CAPN2: variants seen among roughly 807,000 people sequenced by gnomAD.
The protein encoded by CAPN2 is calpain-2 catalytic subunit.
A neutral mutation model predicts 102.3 loss-of-function variants in CAPN2; 92 were observed. That is an observed-to-expected ratio of 0.90 (90% CI 0.76 to 1.07). The LOEUF (loss-of-function observed/expected upper bound fraction) is 1.07, where lower values mean the gene tolerates loss of function less well. Among genes scored for constraint, CAPN2 ranks in the 50% least tolerant of loss-of-function variants. The pLI is 0.00. For synonymous variants in CAPN2, 340 were observed against 355.4 expected (o/e 0.96, Z 0.49); for missense variants, 800 against 909.4 (o/e 0.88, Z 1.55).
In CAPN2 at chr1:223,753,588, A is replaced by G. The variant is rs1378353215; in HGVS notation, c.1135+632A>G. ...ATGGGGCACACCTTCAGTGCTTGGAACTATCCTAAGTGTTTTGTACACAGG... is the reference window on the plus strand; with the variant it reads ...ATGGGGCACACCTTCAGTGCTTGGAGCTATCCTAAGTGTTTTGTACACAGG... On this transcript the variant is annotated intron_variant, in intron 9 of 20. Transcript: ENST00000295006. 5.3e-5 allele frequency among the ~76,000 whole-genome samples: 8 copies of G among 152,344 alleles called. No individual in the cohort carries two copies. In the South Asian group the frequency reaches 1.7e-3, roughly 32 times the overall value.
chr1:223,712,305 C>A, upstream of CAPN2: 1 of 291,472 alleles, frequency 3.4e-6, no homozygotes, highest in Non-Finnish European at 5.2e-6. Context: ...CCGGTGGGAG[C>A]CCCAACTCTG....
chr1:223,760,672 A>G (rs1466828354), intron 12 of CAPN2, among the ~76,000 whole-genome samples: 3 of 152,092 alleles, frequency 2.0e-5, no homozygotes, highest in African/African-American at 7.2e-5. Flanking sequence ...TCCTTTGTCA[A>G]ACTCATTACT....
rs1452646817 is a variant in CAPN2, at chr1:223,727,122, G to T, written c.307+9291G>T. The stretch of plus-strand genomic sequence containing the variant: ...GGGACAGGGTGTCAGGTCTGCTGGA[G>T]ATTGTTAAAATGCTGTTGTCTCAGG... On this transcript the variant is annotated intron_variant, in intron 2 of 20. Coordinates refer to ENST00000295006, the MANE Select transcript of CAPN2 (RefSeq NM_001748.5). The surrounding 1 kb of genome is among the most constrained non-coding windows in gnomAD (Gnocchi z 4.1). Among the ~76,000 whole-genome samples the T allele has an allele frequency of 1.4e-5, 2 of 138,604 alleles. No homozygotes were observed. The highest frequency in any genetic ancestry group is 5.2e-5 in the African/African-American group (2 of 38,606). The allele number at this position is 138,604 out of a possible 152,430, so 90.9% of individuals were successfully genotyped here.
chr1:223,770,040 C>CA lies in CAPN2; in HGVS notation c.1824+132dup. The CA allele has an allele frequency of 7.4e-6, 6 of 811,702 alleles. No individual in the cohort carries two copies. In the South Asian group the frequency reaches 9.5e-5, roughly 13 times the overall value. The allele number at this position is 811,702 out of a possible 1,614,324, so 50.3% of individuals were successfully genotyped here. On this transcript the variant is annotated intron_variant, in intron 17 of 20. Coordinates refer to ENST00000295006, the MANE Select transcript of CAPN2 (RefSeq NM_001748.5). ...TTGGGATTTTACCCATAATGAAGCTCAGAGTGAGTAAAGATGGGGCTGAGG... is the reference window on the plus strand; with the variant it reads ...TTGGGATTTTACCCATAATGAAGCTCAAGAGTGAGTAAAGATGGGGCTGAGG...
At chr1:223,743,295 G>A (rs944843297) in intron 2 of CAPN2, among the ~76,000 whole-genome samples, 5 of 152,020 alleles carry the variant, frequency 3.3e-5, no homozygotes, top group South Asian at 2.1e-4. Context: ...GAAACCCTTC[G>A]GGACAGTCCA....
rs78277379 is a variant in CAPN2 at position 223,707,397 on chromosome 1, C to T, written c.3+5566C>T. Among the ~76,000 whole-genome samples the T allele has an allele frequency of 3.2e-3, 492 of 152,282 alleles. 2 individuals are homozygous for T. Among genetic ancestry groups the T allele is most frequent in the African/African-American group, 0.01 (422 of 41,568 alleles). ...ATCCTCAGGGCTGGCTGACTCACTCCAGGAAGGTTTTCCACCATGAAGTGT... is the reference window on the plus strand; with the variant it reads ...ATCCTCAGGGCTGGCTGACTCACTCTAGGAAGGTTTTCCACCATGAAGTGT... On this transcript the variant is annotated intron_variant, in intron 1 of 20. Coordinates refer to the CAPN2 transcript ENST00000433674.
At chr1:223,722,916 G>A (rs1211723294) in intron 2 of CAPN2, among the ~76,000 whole-genome samples, 2 of 152,098 alleles carry the variant, frequency 1.3e-5, no homozygotes, top group Admixed American at 6.5e-5. Context: ...AGTCTCCTTC[G>A]GCTCCTCTGG....
At chr1:223,769,353 A>G (rs565877515) in intron 16 of CAPN2, among the ~76,000 whole-genome samples, 3 of 152,010 alleles carry the variant, frequency 2.0e-5, no homozygotes, top group Non-Finnish European at 4.4e-5. Context: ...ATTCCTGACC[A>G]CAGGTGATCT....
At chr1:223,752,571 G>A (rs1465602508) in intron 8 of CAPN2, among the ~76,000 whole-genome samples, 1 of 152,198 alleles carries the variant, frequency 6.6e-6, no homozygotes, top group African/African-American at 2.4e-5. Context: ...AGAGTTCTGA[G>A]CTTCAGAGAA....
chr1:223,735,786 CT>C (rs67182964), intron 2 of CAPN2, among the ~76,000 whole-genome samples: 12 of 147,368 alleles, frequency 8.1e-5, no homozygotes, highest in Admixed American at 2.7e-4. Flanking sequence ...CGTTTCTTTT[CT>C]TTTTTTTTTT....
chr1:223,702,780 C>A (rs1659517457), intron 1 of CAPN2, among the ~76,000 whole-genome samples: 1 of 151,852 alleles, frequency 6.6e-6, no homozygotes, highest in Non-Finnish European at 1.5e-5. Flanking sequence ...GAGTTATTGA[C>A]CTAGGTAGAT....
At chr1:223,764,043 C>T (rs1295145788) in intron 14 of CAPN2, 107 bp from the exon 15 acceptor site, 4 of 837,716 alleles carry the variant, frequency 4.8e-6, no homozygotes, top group South Asian at 2.9e-5. Flanking sequence ...TAGAAATGCA[C>T]ATTCATAGGC....
chr1:223,740,328 T>C (rs1449068338), intron 2 of CAPN2, among the ~76,000 whole-genome samples: 1 of 152,188 alleles, frequency 6.6e-6, no homozygotes, highest in Non-Finnish European at 1.5e-5. Context: ...TTTTATACTT[T>C]CTGTGAAAGG....
At chr1:223,723,843 T>C (rs1189036676) in intron 2 of CAPN2, among the ~76,000 whole-genome samples, 1 of 106,056 alleles carries the variant, frequency 9.4e-6, no homozygotes, top group African/African-American at 4.5e-5. Flanking sequence ...ATAGGAGCAG[T>C]GGGACCCCCT....
chr1:223,723,499 A>G (rs1660109229), intron 2 of CAPN2, among the ~76,000 whole-genome samples: 1 of 152,038 alleles, frequency 6.6e-6, no homozygotes, highest in African/African-American at 2.4e-5. Flanking sequence ...CCATGGCTAC[A>G]TTGTCCATGG....
chr1:223,762,130 C>T (rs1406296264), intron 13 of CAPN2, 56 bp from the exon 14 acceptor site: 2 of 1,470,814 alleles, frequency 1.4e-6, no homozygotes, highest in Non-Finnish European at 9.5e-7. Flanking sequence ...GGCGGGCAGA[C>T]ACTTGGTGTC....
At chr1:223,722,275 T>G (rs1236404430) in intron 2 of CAPN2, among the ~76,000 whole-genome samples, 1 of 124,378 alleles carries the variant, frequency 8.0e-6, no homozygotes, top group Non-Finnish European at 1.6e-5. Flanking sequence ...TTCTTTTTCT[T>G]TCTTTCTTTT....
At chr1:223,717,614 C>A in intron 1 of CAPN2, 148 bp from the exon 2 acceptor site, 1 of 670,808 alleles carries the variant, frequency 1.5e-6, no homozygotes, top group Non-Finnish European at 2.7e-6. Flanking sequence ...GACCTCATGA[C>A]ACAGAGTTCT....
intron 14 of CAPN2, among the ~76,000 whole-genome samples, chr1:223,762,831 C>A (rs907065008): frequency 6.6e-6 from 1 of 152,088 alleles, no homozygotes; most frequent in South Asian, 2.1e-4. Flanking sequence ...TAGGTGCACA[C>A]CACCATGTCT....
Sources: gnomAD v4.1 joint callset for allele counts (sites outside exome capture counted in the v4.1 genomes callset) on GRCh38, gnomAD v4.1.1 for gene constraint, Gnocchi (gnomAD v3.1) non-coding constraint, MANE v1.5 for transcripts, NCBI Gene and HGNC (gene_info 2026-07-23, HGNC 2026-07-21) for gene names.